The following DLG5 variants were observed in gnomAD, a reference collection of about 807,000 sequenced individuals.
The protein encoded by DLG5 is disks large homolog 5.
In DLG5, 48 loss-of-function variants were observed where a neutral mutation model predicts 189.8. That is an observed-to-expected ratio of 0.25 (90% CI 0.20 to 0.32). The LOEUF is 0.32. Ranked by LOEUF, DLG5 falls within the 10% of genes least tolerant of loss-of-function variation. DLG5 has a pLI of 1.00. For synonymous variants in DLG5, 1,016 were observed against 1,054.1 expected (o/e 0.96, Z 0.70); for missense variants, 2,160 against 2,544.7 (o/e 0.85, Z 3.25).
In DLG5 at chr10:77,843,190, T is replaced by C. The variant is rs192615435; in HGVS notation, c.1124+257A>G. ...GTTAACACAGCAGACCCGAGATTTC[T>C]ACACGCTCAGAAAGGCCCGCTTGCA... On this transcript the variant is annotated intron_variant, in intron 6 of 31. Transcript: ENST00000372391. Among the ~76,000 whole-genome samples, 37 of 152,308 alleles carry C rather than the reference T, an allele frequency of 2.4e-4. No individual in the cohort carries two copies. In the East Asian group the frequency reaches 5.6e-3, roughly 23 times the overall value.
chr10:77,895,340 G>A (rs1845727770), intron 1 of DLG5, among the ~76,000 whole-genome samples: 1 of 152,206 alleles, frequency 6.6e-6, no homozygotes, highest in African/African-American at 2.4e-5. Flanking sequence ...TTCTGAAGGT[G>A]TTCAGAGCTA....
intron 13 of DLG5, among the ~76,000 whole-genome samples, chr10:77,827,839 A>G (rs982631030): frequency 1.3e-5 from 2 of 152,234 alleles, no homozygotes; most frequent in Non-Finnish European, 2.9e-5. Context: ...ATTACTGTAC[A>G]TAAATAAGCA....
At position 77,822,201 on chromosome 10, in the gene DLG5, G is replaced by C; in HGVS notation, c.2383-100C>G. The C allele has an allele frequency of 4.5e-6, 6 of 1,339,276 alleles. No homozygotes were observed. The South Asian group carries it at 8.5e-5, about 19-fold the overall frequency. 83.0% of individuals were successfully genotyped at this position (1,339,276 alleles called of 1,614,324 possible). On this transcript the variant is annotated intron_variant, in intron 14 of 31. Coordinates refer to ENST00000372391, the MANE Select transcript of DLG5 (RefSeq NM_004747.4). ...CAGAGGTAAAGCAATGGTCAGGAAT[G>C]GGCCACCTGCCCCTTAAAAAAGAGA...
chr10:77,930,814 ATTTTTT>A (rs35563477), upstream of DLG5, among the ~76,000 whole-genome samples: 6 of 91,630 alleles, frequency 6.5e-5, no homozygotes, highest in Admixed American at 4.3e-4. Flanking sequence ...CACCTGGCTA[ATTTTTT>A]TTTTTTTTTT....
chr10:77,912,677 G>C (rs1271057590), intron 1 of DLG5: 4 of 152,200 alleles, frequency 2.6e-5, no homozygotes, highest in Non-Finnish European at 4.4e-5. Context: ...CCACAAAGTG[G>C]CTATGTGTCT....
chr10:77,881,385 T>C (rs1213573391), intron 1 of DLG5, among the ~76,000 whole-genome samples: 1 of 152,138 alleles, frequency 6.6e-6, no homozygotes, highest in Non-Finnish European at 1.5e-5. Context: ...TGCTATCTCG[T>C]GGCCAGCATG....
chr10:77,933,765 A>G, the DLG5 span, among the ~76,000 whole-genome samples: 1 of 151,660 alleles, frequency 6.6e-6, no homozygotes, highest in Non-Finnish European at 1.5e-5. Flanking sequence ...CCTGTGATAA[A>G]CAGAATAGCT....
chr10:77,814,819 C>T (rs556014923), intron 20 of DLG5, among the ~76,000 whole-genome samples: 1 of 152,248 alleles, frequency 6.6e-6, no homozygotes, highest in African/African-American at 2.4e-5. Flanking sequence ...CAGTGATCCA[C>T]CTGCCTCGGC....
chr10:77,817,239 A>C (rs1017213153), intron 18 of DLG5, 143 bp from the exon 19 acceptor site: 3 of 736,262 alleles, frequency 4.1e-6, no homozygotes, highest in Non-Finnish European at 7.1e-6. Context: ...GATATGGAAC[A>C]GTCAAGAAAA....
At chr10:77,878,920 G>A (rs1041001614) in intron 1 of DLG5, among the ~76,000 whole-genome samples, 15 of 152,186 alleles carry the variant, frequency 9.9e-5, no homozygotes, top group African/African-American at 3.4e-4. Flanking sequence ...TGGTGGGCAT[G>A]TCTGTCCCCG....
At chr10:77,856,621 G>T in intron 3 of DLG5, 109 bp downstream of exon 3, 2 of 1,410,582 alleles carry the variant, frequency 1.4e-6, no homozygotes, top group Non-Finnish European at 1.9e-6. Context: ...CACTCAGGCA[G>T]CGCAGCCTGG....
At chr10:77,932,536 C>T in the DLG5 span, among the ~76,000 whole-genome samples, 1 of 152,172 alleles carries the variant, frequency 6.6e-6, no homozygotes. Flanking sequence ...CCGTGGCTCA[C>T]ACCTATAATC....
rs570392017 is a variant in DLG5 at position 77,878,377 on chromosome 10, C to G, written c.305-9180G>C. Among the ~76,000 whole-genome samples, 6 of 152,302 alleles carry G rather than the reference C, an allele frequency of 3.9e-5. No individual in the cohort carries two copies. The East Asian group carries it at 1.2e-3, about 29-fold the overall frequency. ...AGAGGGAAAGCCCTTAGAACAGAGC[C>G]AGGCGCACAGCAAGCGATCCACAAA... On this transcript the variant is annotated intron_variant, in intron 1 of 31. Transcript: ENST00000372391.
At chr10:77,812,811 A>G (rs556926840) in intron 20 of DLG5, among the ~76,000 whole-genome samples, 1 of 152,370 alleles carries the variant, frequency 6.6e-6, no homozygotes, top group South Asian at 2.1e-4. Flanking sequence ...TTTTATGTTT[A>G]CTGGCTACAC....
At chr10:77,925,997 G>A in intron 1 of DLG5, among the ~76,000 whole-genome samples, 1 of 152,208 alleles carries the variant, frequency 6.6e-6, no homozygotes, top group East Asian at 1.9e-4. Context: ...GAGAGTGAAG[G>A]CCTTCAGCGG....
At chr10:77,819,237 G>T in intron 17 of DLG5, 84 bp downstream of exon 17, 1 of 1,597,082 alleles carries the variant, frequency 6.3e-7, no homozygotes, top group Non-Finnish European at 8.6e-7. Flanking sequence ...CTCCACCAAT[G>T]AGCCTCTTTA....
intron 2 of DLG5, among the ~76,000 whole-genome samples, chr10:77,865,445 A>C (rs1453855268): frequency 2.6e-5 from 4 of 152,128 alleles, no homozygotes; most frequent in Non-Finnish European, 5.9e-5. Context: ...GCCCTCCAGC[A>C]ATTTCTCCTG....
rs59297524 is a variant in DLG5 at position 77,814,461 on chromosome 10, TTATATATATATATATATATATATA to T, written c.4025+2066_4026-2085del. Among the ~76,000 whole-genome samples, 85 of 70,754 alleles carry T rather than the reference TTATATATATATATATATATATATA, an allele frequency of 1.2e-3. 3 individuals carry two copies. The highest frequency in any genetic ancestry group is 0.027 in the Middle Eastern group (2 of 74). The allele number at this position is 70,754 out of a possible 152,430, so 46.4% of individuals were successfully genotyped here. A position where few individuals can be genotyped will look rare whatever the true frequency, so the allele number is the denominator to read the frequency against. Reference sequence around the variant, plus strand: ...TATGTACATAAATAATAAAGCATGTTTATATATATATATATATATATATATATATATATATATATATATATCCAA... The same window carrying T: ...TATGTACATAAATAATAAAGCATGTTTATATATATATATATATATATCCAA... On this transcript the variant is annotated intron_variant, in intron 20 of 31. Coordinates refer to ENST00000372391, the MANE Select transcript of DLG5 (RefSeq NM_004747.4).
intron 4 of DLG5, 92 bp from the exon 5 acceptor site, chr10:77,853,629 TC>T (rs890751304): frequency 4.7e-6 from 6 of 1,287,498 alleles, no homozygotes; most frequent in Admixed American, 5.2e-5. Context: ...TCCCAACACT[TC>T]CCGTAGATAC....
Sources: allele counts gnomAD v4.1 joint callset (sites outside exome capture counted in the v4.1 genomes callset), GRCh38; gene constraint gnomAD v4.1.1; transcripts MANE v1.5; gene names NCBI Gene and HGNC (gene_info 2026-07-23, HGNC 2026-07-21).